Variants in KCND2 observed in about 807,000 individuals in gnomAD.
KCND2 encodes the protein A-type voltage-gated potassium channel KCND2.
In KCND2, 16 loss-of-function variants were observed where a neutral mutation model predicts 54.4. That is an observed-to-expected ratio of 0.29 (90% confidence interval 0.20 to 0.45). KCND2 has a LOEUF of 0.45. Among genes scored for constraint, KCND2 ranks in the 20% least tolerant of loss-of-function variants. KCND2 has a pLI of 1.00. For missense variants in KCND2, 486 were observed against 824.2 expected (o/e 0.59, Z 5.02); for synonymous variants, 317 against 310.7 (o/e 1.02, Z -0.21).
At chr7:120,341,709 G>T (rs1291455466) in intron 1 of KCND2, among the ~76,000 whole-genome samples, 1 of 152,170 alleles carries the variant, frequency 6.6e-6, no homozygotes, top group Non-Finnish European at 1.5e-5. Context: ...AAGGAATTAA[G>T]ATGCCAAATT....
At chr7:120,586,976 T>C (rs1054923973) in intron 1 of KCND2, among the ~76,000 whole-genome samples, 9 of 152,162 alleles carry the variant, frequency 5.9e-5, no homozygotes, top group Non-Finnish European at 1.3e-4. Flanking sequence ...ATATTAAATC[T>C]TATTATTAAA....
At chr7:120,726,581 C>T (rs562583089) in intron 1 of KCND2, among the ~76,000 whole-genome samples, 1 of 152,190 alleles carries the variant, frequency 6.6e-6, no homozygotes, top group African/African-American at 2.4e-5. Context: ...ATAATTTAAA[C>T]GCACATAGAC....
chr7:120,664,668 T>C (rs1222841949), intron 1 of KCND2, among the ~76,000 whole-genome samples: 1 of 152,106 alleles, frequency 6.6e-6, no homozygotes, highest in Non-Finnish European at 1.5e-5. Flanking sequence ...TATAAGGACA[T>C]GTGTCAAGGA....
At chr7:120,562,081 T>A (rs1470155397) in intron 1 of KCND2, among the ~76,000 whole-genome samples, 3 of 152,176 alleles carry the variant, frequency 2.0e-5, no homozygotes, top group African/African-American at 7.2e-5. Flanking sequence ...GAGTCAGCAT[T>A]TGTAAATATT....
intron 1 of KCND2, among the ~76,000 whole-genome samples, chr7:120,378,279 T>A (rs192203185): frequency 1.4e-3 from 219 of 152,100 alleles, no homozygotes; most frequent in African/African-American, 4.9e-3. Flanking sequence ...AGATGACTTA[T>A]ACTAGCGGCA....
At chr7:120,584,830 A>G (rs987021052) in intron 1 of KCND2, among the ~76,000 whole-genome samples, 1 of 152,278 alleles carries the variant, frequency 6.6e-6, no homozygotes, top group African/African-American at 2.4e-5. Flanking sequence ...AAATCATAAA[A>G]TATGCAATTG....
chr7:120,563,884 A>G (rs375122014), intron 1 of KCND2, among the ~76,000 whole-genome samples: 1 of 152,164 alleles, frequency 6.6e-6, no homozygotes, highest in Non-Finnish European at 1.5e-5. Flanking sequence ...ATTTCTCCCA[A>G]AGTTCCCCTT....
At chr7:120,464,312 A>T (rs1056206468) in intron 1 of KCND2, among the ~76,000 whole-genome samples, 6 of 152,064 alleles carry the variant, frequency 3.9e-5, no homozygotes, top group Non-Finnish European at 8.8e-5. Context: ...ATTCTTATTC[A>T]TTTATTTGTT....
At chr7:120,584,056 A>G (rs10224280) in intron 1 of KCND2, among the ~76,000 whole-genome samples, 14,927 of 152,250 alleles carry the variant, frequency 0.098, 1,033 homozygotes, top group African/African-American at 0.21. Context: ...AAGGGTGTTA[A>G]TCATATCAGT....
At chr7:120,308,342 G>C (rs1279392313) in intron 1 of KCND2, among the ~76,000 whole-genome samples, 3 of 151,982 alleles carry the variant, frequency 2.0e-5, no homozygotes, top group African/African-American at 7.2e-5. Flanking sequence ...GCTTTATCCT[G>C]TTTACTGAAA....
chr7:120,409,239 T>G (rs1364002541), intron 1 of KCND2, among the ~76,000 whole-genome samples: 1 of 151,914 alleles, frequency 6.6e-6, no homozygotes, highest in Non-Finnish European at 1.5e-5. Context: ...GAAAAGATAT[T>G]TAACCACTGT....
At chr7:120,710,967 T>C (rs149061693) in intron 1 of KCND2, among the ~76,000 whole-genome samples, 2,306 of 152,246 alleles carry the variant, frequency 0.015, 49 homozygotes, top group African/African-American at 0.047. Context: ...CCCTTGATTA[T>C]ACATTTTTAT....
At chr7:120,420,710 A>C (rs889837030) in intron 1 of KCND2, among the ~76,000 whole-genome samples, 4 of 152,190 alleles carry the variant, frequency 2.6e-5, no homozygotes, top group Non-Finnish European at 5.9e-5. Flanking sequence ...GAGGCTGGAT[A>C]AATTTTCATT....
rs557877523 is a variant in KCND2 at position 120,629,994 on chromosome 7, GTTA to G, written c.1116-102905_1116-102903del. Among the ~76,000 whole-genome samples, 19 of 152,276 alleles carry G rather than the reference GTTA, an allele frequency of 1.2e-4. No homozygotes were observed. The South Asian group carries it at 3.9e-3, about 32-fold the overall frequency. ...GTTCAGGGAAGAAATTGAGGCTGGA[GTTA>G]TTAACCGGGGAGTCAATGGTGTAGA... On this transcript the variant is annotated intron_variant, in intron 1 of 5. Transcript: ENST00000331113.
intron 1 of KCND2, among the ~76,000 whole-genome samples, chr7:120,530,472 A>T (rs922395097): frequency 1.3e-5 from 2 of 152,160 alleles, no homozygotes; most frequent in South Asian, 4.1e-4. Context: ...TTTGAAGTAT[A>T]TATCTAACAT....
chr7:120,743,396 C>G (rs2116181974), intron 4 of KCND2, among the ~76,000 whole-genome samples: 1 of 152,240 alleles, frequency 6.6e-6, no homozygotes, highest in African/African-American at 2.4e-5. Context: ...TACTACTTGC[C>G]TATTATGTGC....
At chr7:120,298,729 A>T (rs1799544819) in intron 1 of KCND2, among the ~76,000 whole-genome samples, 1 of 152,228 alleles carries the variant, frequency 6.6e-6, no homozygotes, top group Non-Finnish European at 1.5e-5. Context: ...AACTACACAG[A>T]GAATTAAAAT....
At chr7:120,586,085 A>G (rs1792596149) in intron 1 of KCND2, among the ~76,000 whole-genome samples, 1 of 152,132 alleles carries the variant, frequency 6.6e-6, no homozygotes, top group African/African-American at 2.4e-5. Flanking sequence ...TTTTTTCTAT[A>G]TAGGAACTAT....
chr7:120,292,277 T>C (rs1799446470), intron 1 of KCND2, among the ~76,000 whole-genome samples: 1 of 151,926 alleles, frequency 6.6e-6, no homozygotes, highest in South Asian at 2.1e-4. Flanking sequence ...GATTTAAATA[T>C]TACTTTTTAT....
Sources: allele counts gnomAD v4.1 joint callset (sites outside exome capture counted in the v4.1 genomes callset), GRCh38; gene constraint gnomAD v4.1.1; transcripts MANE v1.5; gene names NCBI Gene and HGNC (gene_info 2026-07-23, HGNC 2026-07-21).